CDH13: variants seen among roughly 807,000 people sequenced by gnomAD.
The protein encoded by CDH13 is cadherin 13, also known as cadherin-13.
A neutral mutation model predicts 63.8 loss-of-function variants in CDH13; 24 were observed. The ratio of observed to expected loss-of-function variants is 0.38; its 90% confidence interval spans 0.27 to 0.53. The LOEUF (loss-of-function observed/expected upper bound fraction) is 0.53, where lower values mean the gene tolerates loss of function less well. Ranked by LOEUF, CDH13 falls within the 20% of genes least tolerant of loss-of-function variation. The pLI is 0.85. For missense variants in CDH13, 1,049 were observed against 903.1 expected, an observed-to-expected ratio of 1.16 and a Z score of -2.07; for synonymous variants, 503 against 355.3, an observed-to-expected ratio of 1.42 and a Z score of -4.67.
chr16:82,963,337 C>T (rs921421618), intron 2 of CDH13, among the ~76,000 whole-genome samples: 1 of 152,280 alleles, frequency 6.6e-6, no homozygotes, highest in South Asian at 2.1e-4. Context: ...CAAGAATGCA[C>T]CATTGCACTC....
chr16:83,550,538 A>G (rs978762476), intron 7 of CDH13, among the ~76,000 whole-genome samples: 3 of 152,222 alleles, frequency 2.0e-5, no homozygotes, highest in African/African-American at 4.8e-5. Context: ...TCCGCTCATA[A>G]TGGAAGAGCT....
chr16:83,052,029 T>C (rs2030393144), intron 3 of CDH13, among the ~76,000 whole-genome samples: 1 of 152,102 alleles, frequency 6.6e-6, no homozygotes, highest in Non-Finnish European at 1.5e-5. Context: ...AGAAGGAAAA[T>C]GGTTAGATAA....
chr16:83,388,073 A>G (rs1343196113), intron 6 of CDH13, among the ~76,000 whole-genome samples: 1 of 152,094 alleles, frequency 6.6e-6, no homozygotes, highest in Non-Finnish European at 1.5e-5. Context: ...AGAGACCAAG[A>G]ATCCGGCATT....
At chr16:83,430,431 A>T (rs934956067) in intron 6 of CDH13, among the ~76,000 whole-genome samples, 2 of 152,246 alleles carry the variant, frequency 1.3e-5, no homozygotes, top group Admixed American at 6.5e-5. Flanking sequence ...AACCTAATTG[A>T]TGGGAGCTAA....
intron 5 of CDH13, among the ~76,000 whole-genome samples, chr16:83,300,302 G>C (rs11648334): frequency 0.27 from 41,030 of 152,140 alleles, 5,767 homozygotes; most frequent in Admixed American, 0.36. Context: ...TTACTTTTAA[G>C]TTGAGTGACA....
intron 2 of CDH13, among the ~76,000 whole-genome samples, chr16:83,027,466 A>G (rs1048407665): frequency 3.9e-5 from 6 of 152,160 alleles, no homozygotes. Context: ...AGGGAGCACT[A>G]TACACAAAGG....
At chr16:83,373,303 G>A (rs1437576506) in intron 6 of CDH13, among the ~76,000 whole-genome samples, 1 of 152,200 alleles carries the variant, frequency 6.6e-6, no homozygotes, top group Admixed American at 6.5e-5. Flanking sequence ...AGTAAGAACT[G>A]AGTAGGAACA....
intron 8 of CDH13, among the ~76,000 whole-genome samples, chr16:83,604,195 C>G (rs1335413361): frequency 6.6e-6 from 1 of 152,102 alleles, no homozygotes; most frequent in East Asian, 1.9e-4. Context: ...CCCCTTTCTC[C>G]CTGTGGTGTC....
At chr16:83,177,891 C>T (rs1263644106) in intron 4 of CDH13, among the ~76,000 whole-genome samples, 3 of 152,118 alleles carry the variant, frequency 2.0e-5, no homozygotes, top group Non-Finnish European at 4.4e-5. Flanking sequence ...TATAAACACA[C>T]CAGAGCAAGA....
At chr16:83,482,180 A>T (rs1363186833) in intron 6 of CDH13, among the ~76,000 whole-genome samples, 2 of 152,178 alleles carry the variant, frequency 1.3e-5, no homozygotes, top group Non-Finnish European at 2.9e-5. Context: ...GTCAGTGTGG[A>T]ATGAGGCAAC....
intron 1 of CDH13, among the ~76,000 whole-genome samples, chr16:82,709,507 C>T (rs935936585): frequency 6.6e-6 from 1 of 152,154 alleles, no homozygotes; most frequent in African/African-American, 2.4e-5. Flanking sequence ...TAACTCTAGG[C>T]TGGTTACTCA....
At chr16:82,975,154 G>T (rs559523019) in intron 2 of CDH13, among the ~76,000 whole-genome samples, 1 of 152,218 alleles carries the variant, frequency 6.6e-6, no homozygotes, top group Admixed American at 6.5e-5. Context: ...AATAAAGTAG[G>T]GTGGTTGAGG....
intron 5 of CDH13, among the ~76,000 whole-genome samples, chr16:83,265,817 G>A (rs1907552283): frequency 7.5e-6 from 1 of 133,866 alleles, no homozygotes; most frequent in Admixed American, 8.9e-5. Context: ...GTTGTCCTCT[G>A]AGTGAAGCAC....
chr16:82,780,868 G>C (rs908026733), intron 1 of CDH13, among the ~76,000 whole-genome samples: 4 of 152,168 alleles, frequency 2.6e-5, no homozygotes, highest in Admixed American at 6.5e-5. Context: ...ACAAAAACAA[G>C]GGTTATATTT....
At chr16:83,433,251 C>T (rs955131302) in intron 6 of CDH13, among the ~76,000 whole-genome samples, 1 of 152,214 alleles carries the variant, frequency 6.6e-6, no homozygotes, top group East Asian at 1.9e-4. Context: ...TAGTCCATGA[C>T]TATTTGCTTA....
intron 1 of CDH13, among the ~76,000 whole-genome samples, chr16:82,658,992 C>T (rs75932981): frequency 0.041 from 6,225 of 152,238 alleles, 180 homozygotes; most frequent in Non-Finnish European, 0.059. Flanking sequence ...CTTGTGCTGA[C>T]TCTAATCCCC....
Position 83,517,445 on chromosome 16 carries a change from A to G in CDH13, c.960+30790A>G, listed in dbSNP as rs561246909. ...CGTAGTCATTAAGGGATCCAGGCTG[A>G]CAGAGGCTCTGCCAGCTTGCAGCAT... On this transcript the variant is annotated intron_variant, in intron 7 of 13. Coordinates refer to ENST00000567109, the MANE Select transcript of CDH13 (RefSeq NM_001257.5). 3.9e-5 allele frequency among the ~76,000 whole-genome samples: 6 copies of G among 152,322 alleles called. No homozygotes were observed. In the East Asian group the frequency reaches 1.2e-3, roughly 29 times the overall value.
At chr16:83,566,407 A>G (rs1377131230) in intron 7 of CDH13, among the ~76,000 whole-genome samples, 3 of 152,130 alleles carry the variant, frequency 2.0e-5, no homozygotes, top group Non-Finnish European at 4.4e-5. Context: ...CACTCCTGTC[A>G]TAGGAAGACA....
At chr16:83,208,397 C>A (rs1041448461) in intron 4 of CDH13, among the ~76,000 whole-genome samples, 1 of 152,092 alleles carries the variant, frequency 6.6e-6, no homozygotes, top group Non-Finnish European at 1.5e-5. Context: ...TTAATGCTTA[C>A]AGATTACCTT....
Sources: gnomAD v4.1 joint callset for allele counts (sites outside exome capture counted in the v4.1 genomes callset) on GRCh38, gnomAD v4.1.1 for gene constraint, MANE v1.5 for transcripts, NCBI Gene and HGNC (gene_info 2026-07-23, HGNC 2026-07-21) for gene names.